ANKFN1: variants seen among roughly 807,000 people sequenced by gnomAD.
The protein encoded by ANKFN1 is ankyrin repeat and fibronectin type III domain containing 1, also known as ankyrin repeat and fibronectin type-III domain-containing protein 1.
Under a neutral mutation model 108.7 loss-of-function variants are expected in ANKFN1, and 74 were observed. The observed-to-expected ratio is 0.68, with a 90% CI of 0.56 to 0.83. ANKFN1 has a LOEUF of 0.83. Ranked by LOEUF, ANKFN1 falls within the 40% of genes least tolerant of loss-of-function variation. The pLI is 0.00. For missense variants in ANKFN1, 1,505 were observed against 1,382.3 expected, an observed-to-expected ratio of 1.09 and a Z score of -1.41; for synonymous variants, 547 against 516.2, an observed-to-expected ratio of 1.06 and a Z score of -0.81.
At chr17:56,394,782 T>C (rs2047531397) in intron 8 of ANKFN1, among the ~76,000 whole-genome samples, 3 of 152,184 alleles carry the variant, frequency 2.0e-5, no homozygotes. Context: ...GATAAGCCGC[T>C]TTCTAGGTCA....
intron 4 of ANKFN1, among the ~76,000 whole-genome samples, chr17:56,111,871 G>A (rs969507884): frequency 6.6e-6 from 1 of 152,140 alleles, no homozygotes; most frequent in Non-Finnish European, 1.5e-5. Context: ...AAATCATAAC[G>A]AGCAGAATGG....
intron 4 of ANKFN1, among the ~76,000 whole-genome samples, chr17:56,091,480 T>C (rs946007738): frequency 4.1e-5 from 6 of 147,780 alleles, no homozygotes; most frequent in Non-Finnish European, 9.0e-5. Context: ...TTTCTCAACA[T>C]TCTTTTCACT....
intron 1 of ANKFN1, chr17:56,174,117 T>A (rs1018746897): frequency 3.2e-5 from 30 of 927,874 alleles, no homozygotes; most frequent in Middle Eastern, 1.1e-3. Flanking sequence ...CAGCTTGACA[T>A]TGTGGGTGGT....
chr17:56,432,181 A>T (rs1381296108), intron 8 of ANKFN1, among the ~76,000 whole-genome samples: 1 of 152,208 alleles, frequency 6.6e-6, no homozygotes, highest in Non-Finnish European at 1.5e-5. Context: ...TTAAAAGCTC[A>T]TACTTTTTTC....
chr17:56,164,490 C>T (rs867044423), intron 1 of ANKFN1, among the ~76,000 whole-genome samples: 60 of 152,140 alleles, frequency 3.9e-4, no homozygotes, highest in African/African-American at 1.3e-3. Context: ...TTCTCCAGCC[C>T]GTAGCACAGT....
intron 1 of ANKFN1, among the ~76,000 whole-genome samples, chr17:56,199,722 ACC>A (rs1297311501): frequency 6.6e-6 from 1 of 152,136 alleles, no homozygotes; most frequent in Non-Finnish European, 1.5e-5. Flanking sequence ...AATTGAGGAC[ACC>A]CAGTGAAATC....
rs185204611 is a variant in ANKFN1 at position 56,431,794 on chromosome 17, A to C, written c.911-8533A>C. Reference sequence around the variant, plus strand: ...TTTTGCCCCCGTGGCTAGTGATTTTAATTTCAGGAATGCCCAACAGGACTC... The same window carrying C: ...TTTTGCCCCCGTGGCTAGTGATTTTCATTTCAGGAATGCCCAACAGGACTC... On this transcript the variant is annotated intron_variant, in intron 8 of 20. Transcript: ENST00000682825. Among the ~76,000 whole-genome samples the C allele has an allele frequency of 8.5e-5, 13 of 152,340 alleles. No individual in the cohort carries two copies. The East Asian group carries it at 2.3e-3, about 27-fold the overall frequency.
At chr17:56,330,331 T>C (rs2045629096) in intron 4 of ANKFN1, among the ~76,000 whole-genome samples, 1 of 149,990 alleles carries the variant, frequency 6.7e-6, no homozygotes, top group African/African-American at 2.4e-5. Flanking sequence ...TAAAAAATCA[T>C]CAGAACTCAT....
At chr17:56,116,774 G>A (rs1906307552) in intron 4 of ANKFN1, among the ~76,000 whole-genome samples, 1 of 152,060 alleles carries the variant, frequency 6.6e-6, no homozygotes, top group South Asian at 2.1e-4. Context: ...ACACAAACAG[G>A]CTAAGACAGA....
intron 3 of ANKFN1, among the ~76,000 whole-genome samples, chr17:56,286,493 CAT>C (rs2044220382): frequency 6.6e-6 from 1 of 152,134 alleles, no homozygotes; most frequent in Non-Finnish European, 1.5e-5. Flanking sequence ...CATTTGCTCA[CAT>C]GTCTGGAGGT....
rs562847221 is a variant in ANKFN1 at position 56,075,606 on chromosome 17, A to G, written c.288+29281A>G. Among the ~76,000 whole-genome samples, 10 of 152,238 alleles carry G rather than the reference A, an allele frequency of 6.6e-5. 1 individual carries two copies. Among genetic ancestry groups the G allele is most frequent in the Admixed American group, 6.5e-4 (10 of 15,296 alleles). On this transcript the variant is annotated intron_variant, in intron 4 of 12. Coordinates refer to the ANKFN1 transcript ENST00000635860. Reference sequence around the variant, plus strand: ...CAGAAGGTAGAAAGAATCAATGTTCATTACATAATTGGGATAAACATTCAT... The same window carrying G: ...CAGAAGGTAGAAAGAATCAATGTTCGTTACATAATTGGGATAAACATTCAT...
intron 8 of ANKFN1, among the ~76,000 whole-genome samples, chr17:56,380,852 G>C (rs1383492401): frequency 2.0e-5 from 3 of 152,206 alleles, no homozygotes; most frequent in Non-Finnish European, 4.4e-5. Flanking sequence ...CCACCTCTAG[G>C]GGTAGGGCAC....
rs1204649098 is a variant in ANKFN1 at position 56,456,058 on chromosome 17, C to CT, written c.1208-795dup. On this transcript the variant is annotated intron_variant, in intron 11 of 20. Coordinates refer to ENST00000682825, the MANE Select transcript of ANKFN1 (RefSeq NM_001370326.1). ...GAGATGATATGGGTGGGGTTTTGCT[C>CT]TTTTTTTTCTATTCTCCAGACTTTC... is the stretch of plus-strand genomic sequence containing the variant. Among the ~76,000 whole-genome samples, 3 of 152,098 alleles carry CT rather than the reference C, an allele frequency of 2.0e-5. No individual in the cohort carries two copies. In the South Asian group the frequency reaches 6.2e-4, roughly 32 times the overall value.
chr17:56,224,871 A>G (rs1361587044), intron 2 of ANKFN1: 2 of 152,302 alleles, frequency 1.3e-5, no homozygotes, highest in Non-Finnish European at 2.9e-5. Flanking sequence ...TCTGTTCTGT[A>G]TGAACCTTGC....
chr17:56,053,952 C>T (rs533396887), intron 4 of ANKFN1, among the ~76,000 whole-genome samples: 36 of 152,256 alleles, frequency 2.4e-4, no homozygotes, highest in African/African-American at 7.7e-4. Context: ...CGCCTGCCAT[C>T]CAAGTAATGT....
intron 8 of ANKFN1, among the ~76,000 whole-genome samples, chr17:56,428,866 T>C (rs1031609548): frequency 2.9e-5 from 4 of 135,744 alleles, no homozygotes; most frequent in African/African-American, 8.0e-5. Context: ...CAAAAAGTGC[T>C]TTTTTTTTTT....
chr17:56,426,232 ATT>A (rs1418487087), intron 8 of ANKFN1, among the ~76,000 whole-genome samples: 1 of 152,150 alleles, frequency 6.6e-6, no homozygotes, highest in African/African-American at 2.4e-5. Context: ...AATACATAAA[ATT>A]TTTCAAAATC....
intron 3 of ANKFN1, among the ~76,000 whole-genome samples, chr17:56,299,131 C>T (rs999583868): frequency 6.6e-6 from 1 of 152,196 alleles, no homozygotes; most frequent in African/African-American, 2.4e-5. Flanking sequence ...CAGATTCCTT[C>T]TATCTTATAC....
intron 4 of ANKFN1, among the ~76,000 whole-genome samples, chr17:56,070,561 G>A (rs1905108738): frequency 6.6e-6 from 1 of 152,026 alleles, no homozygotes; most frequent in Non-Finnish European, 1.5e-5. Flanking sequence ...AGTACTGGGG[G>A]CTAAGAAATG....
Sources: allele counts gnomAD v4.1 joint callset (sites outside exome capture counted in the v4.1 genomes callset), GRCh38; gene constraint gnomAD v4.1.1; transcripts MANE v1.5; gene names NCBI Gene and HGNC (gene_info 2026-07-23, HGNC 2026-07-21).